The following SLC28A3 variants were observed in gnomAD, a reference collection of about 807,000 sequenced individuals.
The protein encoded by SLC28A3 is concentrative Na(+)-nucleoside cotransporter 3.
In SLC28A3, 68 loss-of-function variants were observed where a neutral mutation model predicts 84.2. That is an observed-to-expected ratio of 0.81 (90% confidence interval 0.66 to 0.99). The LOEUF is 0.99. Ranked by LOEUF, SLC28A3 falls within the 50% of genes least tolerant of loss-of-function variation. SLC28A3 has a pLI of 0.00. For missense variants in SLC28A3, 712 were observed against 841.5 expected (o/e 0.85, Z 1.90); for synonymous variants, 267 against 303.6 (o/e 0.88, Z 1.25).
At chr9:84,364,012 G>A in the SLC28A3 span, among the ~76,000 whole-genome samples, 133 of 151,970 alleles carry the variant, frequency 8.8e-4, no homozygotes, top group Non-Finnish European at 1.8e-3. Context: ...TGGGGTACAT[G>A]AGATGTTTTG....
chr9:84,301,370 A>AAAAAG (rs1485101643), intron 5 of SLC28A3, among the ~76,000 whole-genome samples: 42 of 111,556 alleles, frequency 3.8e-4, no homozygotes, highest in Non-Finnish European at 4.1e-4. Flanking sequence ...AAAAAAAAAA[A>AAAAAG]AAAAGAAAAG....
At chr9:84,339,465 G>T (rs1371948789) in intron 1 of SLC28A3, among the ~76,000 whole-genome samples, 4 of 152,202 alleles carry the variant, frequency 2.6e-5, no homozygotes, top group African/African-American at 9.6e-5. Context: ...GGCCAGGCTG[G>T]TCTCAAATTC....
intron 1 of SLC28A3, among the ~76,000 whole-genome samples, chr9:84,322,400 G>A (rs11140525): frequency 0.4 from 61,006 of 152,156 alleles, 15,342 homozygotes; most frequent in African/African-American, 0.71. Context: ...GTATCACAAC[G>A]TGGGATCTTC....
At chr9:84,278,581 T>A (rs752768557) in intron 17 of SLC28A3, among the ~76,000 whole-genome samples, 2 of 152,148 alleles carry the variant, frequency 1.3e-5, no homozygotes. Flanking sequence ...ATAGAATCAA[T>A]CCTTATAAAA....
chr9:84,308,969 A>G (rs980700053), intron 3 of SLC28A3, among the ~76,000 whole-genome samples: 3 of 152,210 alleles, frequency 2.0e-5, no homozygotes, highest in Non-Finnish European at 2.9e-5. Context: ...TGAGCGATCA[A>G]TTGCTATTGA....
At chr9:84,339,412 G>A (rs1253427193) in intron 1 of SLC28A3, among the ~76,000 whole-genome samples, 1 of 151,932 alleles carries the variant, frequency 6.6e-6, no homozygotes, top group African/African-American at 2.4e-5. Flanking sequence ...ACCATGCCCG[G>A]CTGATTTTTG....
chr9:84,288,229 G>A, intron 11 of SLC28A3, 51 bp from the exon 12 acceptor site: 2 of 1,610,696 alleles, frequency 1.2e-6, no homozygotes, highest in Non-Finnish European at 1.7e-6. Context: ...TTTTTCTTGT[G>A]TTCAGAGGAA....
At chr9:84,315,126 T>C (rs78079631) in intron 1 of SLC28A3, among the ~76,000 whole-genome samples, 1,584 of 152,286 alleles carry the variant, frequency 0.01, 30 homozygotes, top group African/African-American at 0.037. Flanking sequence ...ATACATAGTA[T>C]GGGAAGATGA....
At chr9:84,305,158 G>T (rs1825746684) in intron 4 of SLC28A3, 96 bp downstream of exon 4, 3 of 1,057,274 alleles carry the variant, frequency 2.8e-6, no homozygotes, top group South Asian at 1.4e-5. Context: ...GAAAATAAAG[G>T]TTTAATCTTT....
At chr9:84,345,078 AAT>A (rs1438427616), upstream of SLC28A3, among the ~76,000 whole-genome samples, 1 of 152,202 alleles carries the variant, frequency 6.6e-6, no homozygotes, top group African/African-American at 2.4e-5. Flanking sequence ...AAAATGAGTT[AAT>A]ATACACAGGG....
intron 1 of SLC28A3, among the ~76,000 whole-genome samples, chr9:84,318,675 C>T (rs1826254024): frequency 6.6e-6 from 1 of 151,534 alleles, no homozygotes; most frequent in Non-Finnish European, 1.5e-5. Flanking sequence ...TTGAGATCAG[C>T]CTGACCAATA....
chr9:84,283,608 T>C (rs551313662), intron 14 of SLC28A3, among the ~76,000 whole-genome samples: 1 of 152,344 alleles, frequency 6.6e-6, no homozygotes, highest in East Asian at 1.9e-4. Context: ...TATACTATGG[T>C]ATGTGTTACA....
the SLC28A3 span, among the ~76,000 whole-genome samples, chr9:84,349,224 G>C: frequency 1.3e-5 from 2 of 152,322 alleles, no homozygotes; most frequent in East Asian, 3.9e-4. Flanking sequence ...ATCAGTTAAG[G>C]CTATTTTCAC....
chr9:84,363,756 A>G, the SLC28A3 span, among the ~76,000 whole-genome samples: 2 of 147,848 alleles, frequency 1.4e-5, no homozygotes, highest in East Asian at 4.0e-4. Flanking sequence ...TGTGATTAAC[A>G]TTTGTTTATT....
the SLC28A3 span, among the ~76,000 whole-genome samples, chr9:84,353,227 A>G: frequency 6.6e-6 from 1 of 152,212 alleles, no homozygotes; most frequent in Non-Finnish European, 1.5e-5. Flanking sequence ...TCCAAAAGTA[A>G]AGATTTCAAA....
the SLC28A3 span, among the ~76,000 whole-genome samples, chr9:84,355,720 G>T: frequency 6.6e-6 from 1 of 152,182 alleles, no homozygotes; most frequent in African/African-American, 2.4e-5. Flanking sequence ...GAGAATACTT[G>T]TGCAATTGTT....
the SLC28A3 span, among the ~76,000 whole-genome samples, chr9:84,350,335 G>A: frequency 2.0e-5 from 3 of 152,010 alleles, no homozygotes; most frequent in Admixed American, 6.6e-5. Flanking sequence ...CCAGCTACTC[G>A]GGAGGCTGAG....
intron 12 of SLC28A3, among the ~76,000 whole-genome samples, chr9:84,287,687 C>A (rs1029853371): frequency 6.6e-6 from 1 of 151,898 alleles, no homozygotes; most frequent in Non-Finnish European, 1.5e-5. Context: ...CATAGTGAGA[C>A]CCTGTTTCTA....
At chr9:84,288,290 C>T in intron 11 of SLC28A3, 112 bp from the exon 12 acceptor site, 3 of 1,461,704 alleles carry the variant, frequency 2.1e-6, no homozygotes, top group South Asian at 1.3e-5. Flanking sequence ...TGTTTCTATT[C>T]CAGAAGACAA....
Sources: gnomAD v4.1 joint callset for allele counts (sites outside exome capture counted in the v4.1 genomes callset) on GRCh38, gnomAD v4.1.1 for gene constraint, MANE v1.5 for transcripts, NCBI Gene and HGNC (gene_info 2026-07-23, HGNC 2026-07-21) for gene names.